The following ROBO2 variants were observed in gnomAD, a reference collection of about 807,000 sequenced individuals.
The protein encoded by ROBO2 is roundabout homolog 2.
In ROBO2, 53 loss-of-function variants were observed where a neutral mutation model predicts 160.8. The observed-to-expected ratio is 0.33, with a 90% confidence interval of 0.26 to 0.41. The LOEUF (loss-of-function observed/expected upper bound fraction) is 0.41. Among genes scored for constraint, ROBO2 ranks in the 10% least tolerant of loss-of-function variants. The pLI, the probability that ROBO2 is intolerant of heterozygous loss-of-function variation, is 1.00. For missense variants in ROBO2, 1,577 were observed against 1,722.4 expected (o/e 0.92, Z 1.49); for synonymous variants, 664 against 611.7 (o/e 1.09, Z -1.26).
At chr3:77,578,321 C>T (rs1324573005) in intron 15 of ROBO2, among the ~76,000 whole-genome samples, 1 of 151,756 alleles carries the variant, frequency 6.6e-6, no homozygotes, top group Non-Finnish European at 1.5e-5. Context: ...AATGAAAAAC[C>T]CCTCATTAAT....
chr3:77,587,218 A>C (rs2094074207), intron 16 of ROBO2, among the ~76,000 whole-genome samples: 1 of 152,030 alleles, frequency 6.6e-6, no homozygotes, highest in Non-Finnish European at 1.5e-5. Flanking sequence ...GTTTCTGTCC[A>C]ACAGTGAGGA....
chr3:77,085,438 T>G (rs957569691), intron 1 of ROBO2, among the ~76,000 whole-genome samples: 4 of 152,254 alleles, frequency 2.6e-5, no homozygotes, highest in Admixed American at 2.6e-4. Context: ...TAAGGTGTTT[T>G]TGGTGGAGTA....
intron 2 of ROBO2, among the ~76,000 whole-genome samples, chr3:76,176,628 G>T (rs2073242909): frequency 2.0e-5 from 3 of 152,000 alleles, no homozygotes; most frequent in African/African-American, 7.2e-5. Context: ...AAGATATTAG[G>T]TTCCTCAAAA....
At chr3:76,409,359 A>G (rs2075371588) in intron 2 of ROBO2, among the ~76,000 whole-genome samples, 1 of 152,062 alleles carries the variant, frequency 6.6e-6, no homozygotes, top group African/African-American at 2.4e-5. Flanking sequence ...CTTGAATGAA[A>G]GCCCCATAAA....
intron 6 of ROBO2, among the ~76,000 whole-genome samples, chr3:77,525,789 T>A (rs1227504264): frequency 6.6e-6 from 1 of 151,108 alleles, no homozygotes; most frequent in East Asian, 1.9e-4. Flanking sequence ...CAGTTTCTTT[T>A]TTTTTTTTCT....
chr3:76,653,369 T>A (rs528564695), intron 2 of ROBO2, among the ~76,000 whole-genome samples: 61 of 150,794 alleles, frequency 4.0e-4, no homozygotes, highest in Non-Finnish European at 4.7e-4. Flanking sequence ...GCTCTGCTTA[T>A]ACGTATAGTA....
rs138253370 is a variant in ROBO2, at chr3:77,308,408, A to G, written c.389-169006A>G. Among the ~76,000 whole-genome samples, 36 of 152,190 alleles carry G rather than the reference A, an allele frequency of 2.4e-4. No individual in the cohort carries two copies. In the East Asian group the frequency reaches 7.0e-3, roughly 30 times the overall value. On this transcript the variant is annotated intron_variant, in intron 2 of 25. Transcript: ENST00000461745. ...GTCAGGTGTTCAGGGGAGCCTAGGC[A>G]TTAGTCTAGGTGGGAGAAAGAACCT...
At chr3:77,106,489 C>A (rs1472941517) in intron 2 of ROBO2, among the ~76,000 whole-genome samples, 2 of 152,030 alleles carry the variant, frequency 1.3e-5, no homozygotes, top group African/African-American at 2.4e-5. Context: ...ATTTGTGTTT[C>A]GGCAGAATAC....
intron 2 of ROBO2, among the ~76,000 whole-genome samples, chr3:76,817,799 G>T (rs2065804124): frequency 6.7e-6 from 1 of 149,294 alleles, no homozygotes; most frequent in African/African-American, 2.5e-5. Context: ...TATTCTTAAT[G>T]GTTAATGCAA....
At chr3:76,437,173 C>T (rs2076718773) in intron 2 of ROBO2, among the ~76,000 whole-genome samples, 1 of 151,868 alleles carries the variant, frequency 6.6e-6, no homozygotes, top group Non-Finnish European at 1.5e-5. Context: ...TAATTAACAC[C>T]AAAATTTTCA....
intron 2 of ROBO2, among the ~76,000 whole-genome samples, chr3:76,949,768 T>C (rs2078849935): frequency 6.6e-6 from 1 of 152,194 alleles, no homozygotes; most frequent in Non-Finnish European, 1.5e-5. Flanking sequence ...GGCACAGTGG[T>C]GCAGTCTATA....
At chr3:77,388,378 G>A (rs1004441731) in intron 2 of ROBO2, among the ~76,000 whole-genome samples, 4 of 152,084 alleles carry the variant, frequency 2.6e-5, no homozygotes, top group African/African-American at 9.7e-5. Context: ...TCATATCATT[G>A]CATTCTAGCC....
chr3:76,223,391 G>A (rs1029185608), intron 2 of ROBO2, among the ~76,000 whole-genome samples: 3 of 151,856 alleles, frequency 2.0e-5, no homozygotes, highest in Non-Finnish European at 2.9e-5. Context: ...GTAGGTAGGG[G>A]GGTAGGGAGG....
At chr3:77,565,037 C>T (rs746631593) in exon 12 of ROBO2, 20 of 1,613,598 alleles carry the variant, frequency 1.2e-5, no homozygotes. Flanking sequence ...CGGCCCAATA[C>T]AATCTACTTA....
chr3:77,403,088 A>G (rs1412830311), intron 2 of ROBO2, among the ~76,000 whole-genome samples: 2 of 152,208 alleles, frequency 1.3e-5, no homozygotes, highest in Non-Finnish European at 2.9e-5. Flanking sequence ...TTTTCAATTA[A>G]TTAATTAGTT....
intron 2 of ROBO2, among the ~76,000 whole-genome samples, chr3:77,350,460 G>C (rs935008597): frequency 1.3e-5 from 2 of 152,250 alleles, no homozygotes; most frequent in African/African-American, 4.8e-5. Context: ...TGAATATGGA[G>C]ATGCTCTTAA....
chr3:77,333,230 A>G (rs1345571243), intron 2 of ROBO2, among the ~76,000 whole-genome samples: 1 of 152,176 alleles, frequency 6.6e-6, no homozygotes, highest in Non-Finnish European at 1.5e-5. Flanking sequence ...ATAGCTTTAG[A>G]TTTGTTGATT....
intron 2 of ROBO2, among the ~76,000 whole-genome samples, chr3:76,397,532 C>G (rs1461876353): frequency 6.6e-6 from 1 of 151,686 alleles, no homozygotes; most frequent in African/African-American, 2.4e-5. Context: ...TCAGAGTGAA[C>G]AGGCAACCTA....
intron 2 of ROBO2, among the ~76,000 whole-genome samples, chr3:76,136,795 G>A (rs2071443809): frequency 6.6e-6 from 1 of 151,996 alleles, no homozygotes; most frequent in African/African-American, 2.4e-5. Context: ...CAAAATAAAT[G>A]CAGAAATCTT....
Sources: gnomAD v4.1 joint callset for allele counts (sites outside exome capture counted in the v4.1 genomes callset) on GRCh38, gnomAD v4.1.1 for gene constraint, MANE v1.5 for transcripts, NCBI Gene and HGNC (gene_info 2026-07-23, HGNC 2026-07-21) for gene names.